Variants in TMEM114 observed in about 807,000 individuals in gnomAD.
TMEM114 encodes claudin-26.
TMEM114 carries 6 observed loss-of-function variants against 6.2 expected under a neutral mutation model. That is an observed-to-expected ratio of 0.97 (90% CI 0.53 to 1.91). The LOEUF (loss-of-function observed/expected upper bound fraction) is 1.91, where lower values mean the gene tolerates loss of function less well. Ranked by LOEUF, TMEM114 falls within the 40% of genes most tolerant of loss-of-function variation. The probability of loss-of-function intolerance (pLI) is 0.01; values close to 1 mark genes in which losing one functional copy is unlikely to be tolerated. For missense variants in TMEM114, 218 were observed against 158.3 expected (o/e 1.38, Z -2.02); for synonymous variants, 104 against 73.0 (o/e 1.42, Z -2.16).
Position 8,552,538 on chromosome 16 carries a change from G to C in TMEM114, n.213-14712C>G, listed in dbSNP as rs111730055. 2.0e-3 allele frequency among the ~76,000 whole-genome samples: 305 copies of C among 151,860 alleles called. 2 individuals are homozygous for C. Among genetic ancestry groups the C allele is most frequent in the African/African-American group, 7.0e-3 (291 of 41,386 alleles). ...CACACACACACACACACAAAGATAA[G>C]ATCTGTAGTTTAACTAACAGTATTG... On this transcript the variant is annotated intron_variant and non_coding_transcript_variant, in intron 2 of 2. Coordinates refer to the TMEM114 transcript ENST00000623677.
At position 8,555,970 on chromosome 16, in the gene TMEM114, G is replaced by A. The variant is rs1175059176; in HGVS notation, n.213-18144C>T. On this transcript the variant is annotated intron_variant and non_coding_transcript_variant, in intron 2 of 2. Coordinates refer to the TMEM114 transcript ENST00000623677. ...CATCTTGGATGTCCCCACAGTGTCT[G>A]AAGCGCTGTCTTCCAGCATGAATTT... Among the ~76,000 whole-genome samples, 3 of 152,210 alleles carry A rather than the reference G, an allele frequency of 2.0e-5. No individual in the cohort carries two copies. The East Asian group carries it at 5.8e-4, about 29-fold the overall frequency.
intron 2 of TMEM114, among the ~76,000 whole-genome samples, chr16:8,553,670 A>G (rs1410618346): frequency 6.6e-6 from 1 of 151,794 alleles, no homozygotes; most frequent in Admixed American, 6.6e-5. Flanking sequence ...TTTAGTAGAG[A>G]TGGGGCTTCA....
chr16:8,530,644 C>A, the TMEM114 span, among the ~76,000 whole-genome samples: 2 of 147,548 alleles, frequency 1.4e-5, no homozygotes, highest in South Asian at 2.2e-4. Flanking sequence ...TAAGGGGGGA[C>A]GGATGAAGAG....
chr16:8,548,415 A>G (rs574451590), intron 2 of TMEM114, among the ~76,000 whole-genome samples: 10 of 152,334 alleles, frequency 6.6e-5, no homozygotes, highest in Non-Finnish European at 1.3e-4. Context: ...GATACTAGCC[A>G]TGTACAGCAT....
chr16:8,584,166 A>C (rs1176120532), intron 2 of TMEM114, among the ~76,000 whole-genome samples: 1 of 152,206 alleles, frequency 6.6e-6, no homozygotes, highest in Non-Finnish European at 1.5e-5. Flanking sequence ...AAGAAGAGGA[A>C]AGAAATTGAG....
downstream of TMEM114, among the ~76,000 whole-genome samples, chr16:8,568,383 C>G (rs1442400449): frequency 6.6e-6 from 1 of 151,688 alleles, no homozygotes; most frequent in Non-Finnish European, 1.5e-5. Context: ...TGGATGTCAG[C>G]TATAATGATG....
At chr16:8,571,537 T>G (rs1160593881) in intron 3 of TMEM114, among the ~76,000 whole-genome samples, 2 of 152,168 alleles carry the variant, frequency 1.3e-5, no homozygotes, top group East Asian at 1.9e-4. Flanking sequence ...CTGAACTTCC[T>G]TCTTTTCAGC....
chr16:8,545,241 C>A (rs1324896396), intron 2 of TMEM114, among the ~76,000 whole-genome samples: 2 of 152,070 alleles, frequency 1.3e-5, no homozygotes, highest in Admixed American at 6.6e-5. Flanking sequence ...AGTCCAAGAC[C>A]AACCTGGGCA....
chr16:8,569,679 C>A lies in TMEM114; in HGVS notation c.*94G>T. On this transcript the variant is annotated 3_prime_UTR_variant, in exon 4 of 4. Coordinates refer to ENST00000620492, the MANE Select transcript of TMEM114 (RefSeq NM_001146336.2). ...GGGGGTGCCTGGCCTCCCCGAGTGG[C>A]CTTTGAGGAAGAAGAGGCCGCAGCC... The A allele has an allele frequency of 6.9e-7, 1 of 1,452,686 alleles. No homozygotes were observed. The highest frequency in any genetic ancestry group is 2.4e-4 in the Middle Eastern group (1 of 4,250). The allele number at this position is 1,452,686 out of a possible 1,614,324, so 90.0% of individuals were successfully genotyped here.
intron 2 of TMEM114, among the ~76,000 whole-genome samples, chr16:8,583,694 G>A (rs1377184033): frequency 6.6e-6 from 1 of 151,982 alleles, no homozygotes; most frequent in East Asian, 1.9e-4. Context: ...GCTGCAGTGA[G>A]CTATGATTGT....
At chr16:8,579,943 G>C (rs1292056378) in intron 2 of TMEM114, among the ~76,000 whole-genome samples, 2 of 152,154 alleles carry the variant, frequency 1.3e-5, no homozygotes, top group Non-Finnish European at 1.5e-5. Context: ...TCTCAGCTGA[G>C]ACCTGGAGGC....
chr16:8,533,437 T>C (rs1409425829), downstream of TMEM114, among the ~76,000 whole-genome samples: 3 of 152,060 alleles, frequency 2.0e-5, no homozygotes, highest in African/African-American at 7.2e-5. Flanking sequence ...GATGGAGTAT[T>C]GTGAGGGGCG....
At position 8,563,835 on chromosome 16, in the gene TMEM114, G is replaced by C; in HGVS notation, n.212+25378C>G. 3.6e-5 allele frequency among the ~76,000 whole-genome samples: 3 copies of C among 84,412 alleles called. No homozygotes were observed. The South Asian group carries it at 1.1e-3, about 32-fold the overall frequency. The allele number at this position is 84,412 out of a possible 152,430, so 55.4% of individuals were successfully genotyped here. ...GGAATGAGTGAGTGAGTGAATGAGT[G>C]AGGGAGGGAGGGAGGGAGGGAGGGA... On this transcript the variant is annotated intron_variant and non_coding_transcript_variant, in intron 2 of 2. Transcript: ENST00000623677.
intron 2 of TMEM114, among the ~76,000 whole-genome samples, chr16:8,558,897 T>C (rs1300549104): frequency 3.0e-4 from 42 of 140,382 alleles, no homozygotes; most frequent in Non-Finnish European, 1.4e-4. Flanking sequence ...CGTGCCACCA[T>C]GCCCAGCTAA....
intron 2 of TMEM114, among the ~76,000 whole-genome samples, chr16:8,561,482 G>A (rs996329652): frequency 6.6e-6 from 1 of 152,194 alleles, no homozygotes; most frequent in African/African-American, 2.4e-5. Context: ...ACCCCAGAAT[G>A]TCAGCTTCAA....
intron 2 of TMEM114, among the ~76,000 whole-genome samples, chr16:8,577,823 G>A (rs959040636): frequency 1.3e-5 from 2 of 152,114 alleles, no homozygotes; most frequent in African/African-American, 2.4e-5. Context: ...CTGACCTCAA[G>A]TGATCCACCC....
At chr16:8,583,950 C>A (rs191037068) in intron 2 of TMEM114, among the ~76,000 whole-genome samples, 27 of 152,324 alleles carry the variant, frequency 1.8e-4, no homozygotes, top group Admixed American at 9.8e-4. Flanking sequence ...GCACATGACT[C>A]AGCCCGGCCA....
chr16:8,576,040 C>T (rs1385444807), intron 2 of TMEM114, among the ~76,000 whole-genome samples: 2 of 152,150 alleles, frequency 1.3e-5, no homozygotes, highest in Non-Finnish European at 2.9e-5. Context: ...GATATAATCT[C>T]TTGGAACTCC....
chr16:8,554,961 G>A lies in TMEM114; in HGVS notation n.213-17135C>T, dbSNP rs776957860. 2.0e-5 allele frequency among the ~76,000 whole-genome samples: 3 copies of A among 152,332 alleles called. No individual in the cohort carries two copies. In the South Asian group the frequency reaches 6.2e-4, roughly 32 times the overall value. On this transcript the variant is annotated intron_variant and non_coding_transcript_variant, in intron 2 of 2. Coordinates refer to the TMEM114 transcript ENST00000623677. ...CCCTATGCTCTGCAGACCCCCAGAA[G>A]TAAACGTGGAAATATGGTCTCATAG...
Sources: allele counts gnomAD v4.1 joint callset (sites outside exome capture counted in the v4.1 genomes callset), GRCh38; gene constraint gnomAD v4.1.1; transcripts MANE v1.5; gene names NCBI Gene and HGNC (gene_info 2026-07-23, HGNC 2026-07-21).